The following PLXNC1 variants were observed in gnomAD, a reference collection of about 807,000 sequenced individuals.
The protein encoded by PLXNC1 is plexin C1, also known as plexin-C1.
A neutral mutation model predicts 178.2 loss-of-function variants in PLXNC1; 75 were observed. The observed-to-expected ratio is 0.42, with a 90% CI of 0.35 to 0.51. The LOEUF (loss-of-function observed/expected upper bound fraction) is 0.51, where lower values mean the gene tolerates loss of function less well. PLXNC1 is among the 20% of genes least tolerant of loss of function. The pLI, the probability that PLXNC1 is intolerant of heterozygous loss-of-function variation, is 0.02. For missense variants in PLXNC1, 1,503 were observed against 1,984.4 expected (o/e 0.76, Z 4.61); for synonymous variants, 790 against 779.9 (o/e 1.01, Z -0.22).
intron 4 of PLXNC1, among the ~76,000 whole-genome samples, chr12:94,198,915 G>A (rs181952823): frequency 6.6e-6 from 1 of 152,282 alleles, no homozygotes. Context: ...ATAAGGTCAC[G>A]TTCTGAGGTT....
chr12:94,257,389 C>T (rs1484581292), intron 17 of PLXNC1, among the ~76,000 whole-genome samples: 25 of 152,146 alleles, frequency 1.6e-4, no homozygotes, highest in Non-Finnish European at 1.5e-5. Flanking sequence ...CTTTGCTTTG[C>T]ATAAAGTAGG....
At chr12:94,226,018 A>C (rs1963927651) in intron 7 of PLXNC1, among the ~76,000 whole-genome samples, 1 of 152,154 alleles carries the variant, frequency 6.6e-6, no homozygotes, top group Admixed American at 6.5e-5. Context: ...ATCAACCCTG[A>C]TTTCCCTTTT....
chr12:94,247,780 C>T, intron 12 of PLXNC1, 123 bp from the exon 13 acceptor site: 1 of 818,738 alleles, frequency 1.2e-6, no homozygotes, highest in African/African-American at 1.7e-5. Flanking sequence ...TTTGCTGTCT[C>T]CATATTACAC....
intron 2 of PLXNC1, chr12:94,176,273 G>T (rs1962046328): frequency 6.6e-6 from 1 of 152,178 alleles, no homozygotes; most frequent in East Asian, 1.9e-4. Flanking sequence ...GCTGGCTTTT[G>T]TCTGTGTGTT....
At chr12:94,243,628 CTGATTATATG>C (rs1158748650) in intron 11 of PLXNC1, among the ~76,000 whole-genome samples, 1 of 152,154 alleles carries the variant, frequency 6.6e-6, no homozygotes, top group Non-Finnish European at 1.5e-5. Context: ...AGCTCCTGAT[CTGATTATATG>C]TGGCGATATG....
At chr12:94,198,631 T>A (rs527873629) in intron 4 of PLXNC1, among the ~76,000 whole-genome samples, 2 of 152,212 alleles carry the variant, frequency 1.3e-5, no homozygotes, top group Non-Finnish European at 2.9e-5. Flanking sequence ...AGGCCAGAAG[T>A]CTGAAATCAA....
chr12:94,177,553 A>AAGAGAGAG (rs1565794875), intron 2 of PLXNC1, among the ~76,000 whole-genome samples: 6 of 140,150 alleles, frequency 4.3e-5, no homozygotes, highest in African/African-American at 5.9e-5. Flanking sequence ...GAGAGAAAGA[A>AAGAGAGAG]AAAGAAAGAG....
At chr12:94,154,626 C>T (rs1961091489) in intron 1 of PLXNC1, among the ~76,000 whole-genome samples, 1 of 152,228 alleles carries the variant, frequency 6.6e-6, no homozygotes, top group African/African-American at 2.4e-5. Context: ...GATGTCAACC[C>T]TAACCTGTAT....
In PLXNC1 at chr12:94,181,512, C is replaced by T. The variant is rs757726366; in HGVS notation, c.1270C>T (p.Pro424Ser). The change falls in exon 3 of 31, where the codon CCT becomes TCT. Residue 424 changes from proline to serine, a missense_variant. This residue lies in a region of PLXNC1 where 615 missense variants were observed against 698.6 expected (regional missense o/e 0.88). Transcript: ENST00000258526. The part of the protein sequence containing the change: ...EVIYEIKEET[P>S]VFYKLVPDPV... ...TATCTATGAAATTAAAGAAGAGACA[C>T]CTGTTTTCTACAAACTCGTTCCTGA... The T allele has an allele frequency of 5.6e-6, 9 of 1,598,180 alleles. No homozygotes were observed. Among genetic ancestry groups the T allele is most frequent in the South Asian group, 3.3e-5 (3 of 90,710 alleles).
chr12:94,214,361 A>T (rs889490166), intron 5 of PLXNC1, among the ~76,000 whole-genome samples: 1 of 152,184 alleles, frequency 6.6e-6, no homozygotes, highest in South Asian at 2.1e-4. Context: ...TGCTGGCATT[A>T]TAGGCATAAG....
At chr12:94,204,411 G>T (rs564787998) in intron 4 of PLXNC1, among the ~76,000 whole-genome samples, 2 of 152,128 alleles carry the variant, frequency 1.3e-5, no homozygotes, top group Admixed American at 1.3e-4. Context: ...AAAAGACATC[G>T]CCTGGCATGT....
At chr12:94,275,934 C>T (rs1965926738) in intron 21 of PLXNC1, among the ~76,000 whole-genome samples, 1 of 149,570 alleles carries the variant, frequency 6.7e-6, no homozygotes, top group African/African-American at 2.5e-5. Flanking sequence ...GAACACATAT[C>T]AATTTATGTC....
At chr12:94,213,586 C>T (rs542640887) in intron 5 of PLXNC1, among the ~76,000 whole-genome samples, 54 of 151,110 alleles carry the variant, frequency 3.6e-4, no homozygotes, top group African/African-American at 1.3e-3. Context: ...CAAAAATTTT[C>T]TCCCGTTCTG....
At chr12:94,283,850 G>A (rs546412945) in intron 23 of PLXNC1, among the ~76,000 whole-genome samples, 6 of 152,204 alleles carry the variant, frequency 3.9e-5, no homozygotes, top group Non-Finnish European at 7.3e-5. Flanking sequence ...TCGGGAGGCT[G>A]AGGTGGGTGG....
At chr12:94,161,205 T>A (rs1961371848) in intron 1 of PLXNC1, among the ~76,000 whole-genome samples, 1 of 152,222 alleles carries the variant, frequency 6.6e-6, no homozygotes, top group Non-Finnish European at 1.5e-5. Flanking sequence ...ACCAATGACA[T>A]GAAATGCAAA....
In PLXNC1 at chr12:94,186,484, A is replaced by G; in HGVS notation, c.1439+11A>G. On this transcript the variant is annotated intron_variant, in intron 4 of 30. Transcript: ENST00000258526. Reference sequence around the variant, plus strand: ...CCATTCGCTACAAAGGTATCTCCTGAATTCTTTCTCACCAACTCGCATTTT... The same window carrying G: ...CCATTCGCTACAAAGGTATCTCCTGGATTCTTTCTCACCAACTCGCATTTT... 4 of 1,582,256 alleles carry G rather than the reference A, an allele frequency of 2.5e-6. No individual in the cohort carries two copies. The highest frequency in any genetic ancestry group is 3.5e-6 in the Non-Finnish European group (4 of 1,150,996).
intron 23 of PLXNC1, among the ~76,000 whole-genome samples, chr12:94,287,485 C>A (rs1236230239): frequency 6.6e-6 from 1 of 152,170 alleles, no homozygotes; most frequent in African/African-American, 2.4e-5. Flanking sequence ...AGTTATTGCA[C>A]CCGCACCCTG....
At chr12:94,166,057 A>G (rs1394566827) in intron 1 of PLXNC1, among the ~76,000 whole-genome samples, 1 of 152,108 alleles carries the variant, frequency 6.6e-6, no homozygotes, top group Non-Finnish European at 1.5e-5. Flanking sequence ...GCAATAGGGA[A>G]TGGAGCTGCC....
intron 9 of PLXNC1, chr12:94,227,478 A>T (rs777065928): frequency 2.9e-5 from 10 of 349,606 alleles, no homozygotes; most frequent in Non-Finnish European, 5.3e-5. Context: ...TCTGGTCGAA[A>T]TAAAATTGTA....
Sources: allele counts gnomAD v4.1 joint callset (sites outside exome capture counted in the v4.1 genomes callset), GRCh38; gene constraint gnomAD v4.1.1; regional missense constraint gnomAD v4.1.1; transcripts MANE v1.5; gene names NCBI Gene and HGNC (gene_info 2026-07-23, HGNC 2026-07-21).